The following TPM1 variants were observed in gnomAD, a reference collection of about 807,000 sequenced individuals.
The protein encoded by TPM1 is tropomyosin alpha-1 chain.
TPM1 carries 24 observed loss-of-function variants against 42.9 expected under a neutral mutation model. The observed-to-expected ratio is 0.56, with a 90% CI of 0.41 to 0.79. The LOEUF (loss-of-function observed/expected upper bound fraction) is 0.79, where lower values mean the gene tolerates loss of function less well. Among genes scored for constraint, TPM1 ranks in the 30% least tolerant of loss-of-function variants. The pLI, the probability that TPM1 is intolerant of heterozygous loss-of-function variation, is 0.00. For missense variants in TPM1, 158 were observed against 351.8 expected (o/e 0.45, Z 4.41); for synonymous variants, 136 against 130.1 (o/e 1.05, Z -0.31).
At chr15:63,043,625 G>C in intron 1 of TPM1, 1 of 1,532,182 alleles carries the variant, frequency 6.5e-7, no homozygotes, top group South Asian at 1.2e-5. Flanking sequence ...AGGGGCCCCA[G>C]CCAACCCGAC....
rs11558749 is a variant in TPM1, at chr15:63,059,591, C to T, written c.403C>T (p.Gln135Ter). Residue 135 changes from glutamine (Q) to a stop codon, truncating the protein, a stop_gained, in exon 4 of 10, where the codon CAA becomes TAA. Coordinates refer to ENST00000403994, the MANE Select transcript of TPM1 (RefSeq NM_001018005.2). LOFTEE classifies it high-confidence loss of function. ...CATGAAAGTCATTGAGAGTCGAGCCCAAAAAGATGAAGAAAAAATGGAAAT... is the reference window on the plus strand; with the variant it reads ...CATGAAAGTCATTGAGAGTCGAGCCTAAAAAGATGAAGAAAAAATGGAAAT... ...RGMKVIESRAQKDEEKMEIQE... is the reference protein window; with the variant it reads ...RGMKVIESRA The T allele has an allele frequency of 6.2e-7, 1 of 1,610,972 alleles. No homozygotes were observed. Among genetic ancestry groups the T allele is most frequent in the South Asian group, 1.1e-5 (1 of 90,936 alleles).
At chr15:63,043,564 G>C in intron 1 of TPM1, 1 of 1,338,710 alleles carries the variant, frequency 7.5e-7, no homozygotes, top group Non-Finnish European at 1.0e-6. Flanking sequence ...CGGGTAAAGA[G>C]GAAGTTACCT....
At chr15:63,071,397 T>G (rs2036601429) in exon 9 of TPM1, 1 of 493,034 alleles carries the variant, frequency 2.0e-6, no homozygotes, top group Non-Finnish European at 3.7e-6. Context: ...TGCCACACTT[T>G]GTAGAGAGTT....
At chr15:63,071,313 G>A (rs1283542412) in exon 9 of TPM1, 7 of 966,910 alleles carry the variant, frequency 7.2e-6, no homozygotes, top group Non-Finnish European at 1.1e-5. Flanking sequence ...CAGGGGGTGG[G>A]GAAAACACAT....
chr15:63,068,203 G>C (rs2036391348), downstream of TPM1, among the ~76,000 whole-genome samples: 1 of 152,208 alleles, frequency 6.6e-6, no homozygotes, highest in Admixed American at 6.5e-5. Flanking sequence ...TGGGGGTGTG[G>C]TAAAGAGATG....
chr15:63,050,305 C>CG (rs1566947035), intron 2 of TPM1, among the ~76,000 whole-genome samples: 3 of 152,076 alleles, frequency 2.0e-5, no homozygotes, highest in East Asian at 1.9e-4. Context: ...TTTGTTGGGG[C>CG]GGGGGGCTTG....
chr15:63,049,572 T>C (rs1255684150), intron 2 of TPM1, among the ~76,000 whole-genome samples: 1 of 152,192 alleles, frequency 6.6e-6, no homozygotes, highest in African/African-American at 2.4e-5. Context: ...TTAATGAAGA[T>C]ACTGAAACAA....
At chr15:63,048,519 A>T (rs920203347) in intron 2 of TPM1, 1 of 1,492,080 alleles carries the variant, frequency 6.7e-7, no homozygotes, top group East Asian at 2.7e-5. Flanking sequence ...CCGGGTCCGC[A>T]GGGCAGCAGC....
chr15:63,053,354 A>T (rs184748287), intron 2 of TPM1, among the ~76,000 whole-genome samples: 1 of 152,154 alleles, frequency 6.6e-6, no homozygotes, highest in Admixed American at 6.5e-5. Flanking sequence ...ATAAAGACAC[A>T]GGAGTGAGAA....
At chr15:63,061,538 T>TG (rs2035627451) in intron 5 of TPM1, 175 bp from the exon 6 acceptor site, 3 of 749,622 alleles carry the variant, frequency 4.0e-6, no homozygotes, top group Non-Finnish European at 7.0e-6. Flanking sequence ...GTTGCGAGGT[T>TG]GGGGGGCAGT....
At chr15:63,064,609 T>C in intron 9 of TPM1, 1 of 1,035,120 alleles carries the variant, frequency 9.7e-7, no homozygotes, top group Non-Finnish European at 1.2e-6. Flanking sequence ...GATAAGGAAA[T>C]TGGCATGATC....
At chr15:63,049,577 A>G (rs2033395232) in intron 2 of TPM1, among the ~76,000 whole-genome samples, 1 of 152,220 alleles carries the variant, frequency 6.6e-6, no homozygotes, top group African/African-American at 2.4e-5. Context: ...GAAGATACTG[A>G]AACAAACACC....
chr15:63,052,925 C>T (rs573781760), intron 2 of TPM1, among the ~76,000 whole-genome samples: 4 of 152,226 alleles, frequency 2.6e-5, no homozygotes, highest in South Asian at 2.1e-4. Context: ...TGAATTCTAA[C>T]GAGCCAAACA....
At chr15:63,056,882 A>G (rs1378569021) in intron 2 of TPM1, 103 bp from the exon 3 acceptor site, 26 of 1,520,610 alleles carry the variant, frequency 1.7e-5, no homozygotes, top group Admixed American at 8.4e-5. Context: ...TCACCACAAG[A>G]CAGTCTTCCT....
chr15:63,065,678 G>A (rs919796781), intron 9 of TPM1: 1 of 979,298 alleles, frequency 1.0e-6, no homozygotes, highest in African/African-American at 1.8e-5. Context: ...TCTGTTCATG[G>A]GTCTTCTTAA....
At chr15:63,045,315 A>C (rs2032150835) in intron 2 of TPM1, 1 of 151,992 alleles carries the variant, frequency 6.6e-6, no homozygotes. Flanking sequence ...AGGATCTGAC[A>C]AAAAGAAATT....
At chr15:63,067,721 C>T (rs1187691873), downstream of TPM1, among the ~76,000 whole-genome samples, 1 of 152,154 alleles carries the variant, frequency 6.6e-6, no homozygotes, top group Non-Finnish European at 1.5e-5. Flanking sequence ...ATTTCTTGTT[C>T]AACTGTTGAT....
At position 63,051,547 on chromosome 15, in the gene TPM1, T is replaced by TC. The variant is rs1555405872; in HGVS notation, c.241-5432dup. Among the ~76,000 whole-genome samples the TC allele has an allele frequency of 6.2e-4, 94 of 151,090 alleles. No individual in the cohort carries two copies. The East Asian group carries it at 7.4e-3, about 12-fold the overall frequency. On this transcript the variant is annotated intron_variant, in intron 2 of 9. Transcript: ENST00000403994. ...TTAATGTCATCAGTGTTTTTTTTTT[T>TC]CCCCCCTTTCCTTACCATATAAGGG...
intron 1 of TPM1, 25 bp downstream of exon 1, chr15:63,042,968 C>A (rs1254940294): frequency 1.9e-6 from 3 of 1,568,078 alleles, no homozygotes; most frequent in Non-Finnish European, 2.6e-6. Flanking sequence ...GGCCCTGCGC[C>A]CGCGCCCAGA....
Sources: allele counts gnomAD v4.1 joint callset (sites outside exome capture counted in the v4.1 genomes callset), GRCh38; gene constraint gnomAD v4.1.1; transcripts MANE v1.5; gene names NCBI Gene and HGNC (gene_info 2026-07-23, HGNC 2026-07-21).